Variants in CCDC32 observed in about 807,000 individuals in gnomAD.
The protein encoded by CCDC32 is coiled-coil domain containing 32.
In CCDC32, 9 loss-of-function variants were observed where a neutral mutation model predicts 20.1. That is an observed-to-expected ratio of 0.45 (90% CI 0.27 to 0.78). The LOEUF (loss-of-function observed/expected upper bound fraction) is 0.78. Among genes scored for constraint, CCDC32 ranks in the 30% least tolerant of loss-of-function variants. CCDC32 has a pLI of 0.16. For missense variants in CCDC32, 204 were observed against 215.5 expected (o/e 0.95, Z 0.33); for synonymous variants, 63 against 79.0 (o/e 0.80, Z 1.07).
chr15:40,552,221 C>T (rs1008545084), downstream of CCDC32, among the ~76,000 whole-genome samples: 7 of 151,716 alleles, frequency 4.6e-5, no homozygotes, highest in Non-Finnish European at 8.8e-5. Flanking sequence ...GTGGCTCATG[C>T]GTGTAATCCC....
At chr15:40,555,820 C>T (rs888400713) in intron 3 of CCDC32, among the ~76,000 whole-genome samples, 3 of 152,188 alleles carry the variant, frequency 2.0e-5, no homozygotes, top group Non-Finnish European at 2.9e-5. Context: ...ATGTTGGAAA[C>T]TCAAGTTAAA....
At chr15:40,552,002 T>A (rs530040926), downstream of CCDC32, among the ~76,000 whole-genome samples, 97 of 151,522 alleles carry the variant, frequency 6.4e-4, no homozygotes, top group Non-Finnish European at 8.1e-4. Flanking sequence ...AAATTTTTTT[T>A]AAAAATTAGC....
At chr15:40,549,875 G>T (rs1595889047), downstream of CCDC32, among the ~76,000 whole-genome samples, 1 of 152,256 alleles carries the variant, frequency 6.6e-6, no homozygotes, top group East Asian at 1.9e-4. Context: ...TCTCAGCCTT[G>T]GAGGACTCCT....
chr15:40,553,994 T>C lies in CCDC32; in HGVS notation c.535A>G (p.Lys179Glu). Residue 179 changes from lysine (K) to glutamate (E), a missense_variant, in exon 4 of 4, where the codon AAG (lysine) becomes GAG (glutamate). Transcript: ENST00000416810. ...ATTTACTGTTCTGCTGCTGCTGGCT[T>C]GTCCCCGGCTGCTGGCTCGTCCTCG... ...VAEDEPAAGD[K>E]PAAAEQ 6.2e-7 allele frequency: 1 copy of C among 1,609,658 alleles called. No homozygotes were observed. The highest frequency in any genetic ancestry group is 8.5e-7 in the Non-Finnish European group (1 of 1,178,490).
At chr15:40,541,551 C>T (rs896905296) in intron 3 of CCDC32, among the ~76,000 whole-genome samples, 25 of 152,260 alleles carry the variant, frequency 1.6e-4, no homozygotes, top group African/African-American at 5.1e-4. Flanking sequence ...AGGCTGGTCT[C>T]GAACTCCTGA....
chr15:40,527,496 G>A (rs1894914291), downstream of CCDC32, among the ~76,000 whole-genome samples: 1 of 152,188 alleles, frequency 6.6e-6, no homozygotes, highest in Non-Finnish European at 1.5e-5. Flanking sequence ...TTGTACATAG[G>A]TGCTATGGTT....
chr15:40,525,510 A>G (rs1894890347), downstream of CCDC32, among the ~76,000 whole-genome samples: 1 of 152,142 alleles, frequency 6.6e-6, no homozygotes, highest in Non-Finnish European at 1.5e-5. Context: ...TGTCTCCTAA[A>G]TTCTGAAAAA....
At chr15:40,561,610 TTGGGTGA>T (rs1437367023) in intron 2 of CCDC32, among the ~76,000 whole-genome samples, 1 of 152,118 alleles carries the variant, frequency 6.6e-6, no homozygotes, top group Non-Finnish European at 1.5e-5. Context: ...TGTCCACTAC[TTGGGTGA>T]TGGGTGCACT....
At chr15:40,532,882 T>C (rs188066538), downstream of CCDC32, among the ~76,000 whole-genome samples, 1 of 152,142 alleles carries the variant, frequency 6.6e-6, no homozygotes, top group Admixed American at 6.5e-5. Context: ...TTTTTATTTT[T>C]TGTAGAGGTA....
At chr15:40,531,113 C>G (rs1205025228), downstream of CCDC32, among the ~76,000 whole-genome samples, 1 of 151,312 alleles carries the variant, frequency 6.6e-6, no homozygotes. Flanking sequence ...TAAGTGGGAG[C>G]TAAATGTGTA....
At chr15:40,564,688 G>A in intron 1 of CCDC32, 1 of 1,600,678 alleles carries the variant, frequency 6.2e-7, no homozygotes, top group South Asian at 1.1e-5. Context: ...GCGGTCCTGG[G>A]TGAACTGATG....
downstream of CCDC32, chr15:40,534,708 T>C: frequency 1.7e-6 from 1 of 579,328 alleles, no homozygotes; most frequent in Admixed American, 3.0e-5. Context: ...AGAAGAGAAC[T>C]AGCTAGGTCT....
At chr15:40,544,259 G>T (rs982004873) in intron 3 of CCDC32, among the ~76,000 whole-genome samples, 24 of 152,268 alleles carry the variant, frequency 1.6e-4, no homozygotes, top group Admixed American at 2.6e-4. Flanking sequence ...TGTCGCCCAG[G>T]ATAGGGTGCG....
At position 40,542,725 on chromosome 15, in the gene CCDC32, C is replaced by T. The variant is rs528858677; in HGVS notation, c.402-3370G>A. On this transcript the variant is annotated intron_variant, in intron 3 of 3. Coordinates refer to the CCDC32 transcript ENST00000558113. ...CTACTAAAAAATACAAAAAATTAGCCGGGCATGGTGGCAGGCACCTGTAGT... is the reference window on the plus strand; with the variant it reads ...CTACTAAAAAATACAAAAAATTAGCTGGGCATGGTGGCAGGCACCTGTAGT... Among the ~76,000 whole-genome samples, 66 of 151,990 alleles carry T rather than the reference C, an allele frequency of 4.3e-4. No homozygotes were observed. The South Asian group carries it at 0.013, about 30-fold the overall frequency.
chr15:40,563,086 A>G (rs2141660159), intron 1 of CCDC32, 59 bp from the exon 2 acceptor site: 1 of 1,554,366 alleles, frequency 6.4e-7, no homozygotes, highest in African/African-American at 1.4e-5. Context: ...CATAAGGTTG[A>G]GCACAGTGGC....
At chr15:40,536,213 CAGA>C (rs1338921691), downstream of CCDC32, 1 of 152,362 alleles carries the variant, frequency 6.6e-6, no homozygotes, top group East Asian at 1.9e-4. Flanking sequence ...CTTGGGCTTC[CAGA>C]AGCACTAATG....
In CCDC32 at chr15:40,562,998, G is replaced by T; in HGVS notation, c.18C>A (p.Ser6Arg). 1 of 1,614,106 alleles carries T rather than the reference G, an allele frequency of 6.2e-7. No individual in the cohort carries two copies. Among genetic ancestry groups the T allele is most frequent in the Non-Finnish European group, 8.5e-7 (1 of 1,180,016 alleles). ...CAGATCTTGTGGCTGTAGAGTCAGC[G>T]CTCTCAAACATTTTCATTTGGAATC... MKMFE[S>R]ADSTATRSGQ... Residue 6 changes from serine (S) to arginine (R), a missense_variant, in exon 2 of 4, where the codon AGC (serine) becomes AGA (arginine). By Grantham distance (110) the Ser-to-Arg change is moderately radical. Coordinates refer to ENST00000416810, the MANE Select transcript of CCDC32 (RefSeq NM_001080792.4).
downstream of CCDC32, chr15:40,536,950 G>C (rs1158210966): frequency 1.3e-5 from 2 of 152,304 alleles, no homozygotes; most frequent in African/African-American, 4.8e-5. Flanking sequence ...CCTTGAAGTA[G>C]AAGAGGGATT....
intron 1 of CCDC32, among the ~76,000 whole-genome samples, chr15:40,564,250 T>C (rs1468991595): frequency 1.3e-5 from 2 of 152,334 alleles, no homozygotes; most frequent in Middle Eastern, 3.4e-3. Context: ...GCTCAGCGCA[T>C]GCAGTTCAGC....
Sources: gnomAD v4.1 joint callset for allele counts (sites outside exome capture counted in the v4.1 genomes callset) on GRCh38, gnomAD v4.1.1 for gene constraint, MANE v1.5 for transcripts, NCBI Gene and HGNC (gene_info 2026-07-23, HGNC 2026-07-21) for gene names.